RILPL2: variants seen among roughly 807,000 people sequenced by gnomAD.
RILPL2 encodes the protein RILP-like protein 2.
RILPL2 carries 19 observed loss-of-function variants against 22.2 expected under a neutral mutation model. That is an observed-to-expected ratio of 0.86 (90% confidence interval 0.60 to 1.25). The LOEUF (loss-of-function observed/expected upper bound fraction) is 1.25, where lower values mean the gene tolerates loss of function less well. Ranked by LOEUF, RILPL2 falls within the 50% of genes most tolerant of loss-of-function variation. The probability of loss-of-function intolerance (pLI) is 0.00; values close to 1 mark genes in which losing one functional copy is unlikely to be tolerated. For synonymous variants in RILPL2, 123 were observed against 111.6 expected (o/e 1.10, Z -0.64); for missense variants, 243 against 263.6 (o/e 0.92, Z 0.54).
At chr12:123,418,879 G>A (rs750262481) in intron 3 of RILPL2, among the ~76,000 whole-genome samples, 1 of 147,424 alleles carries the variant, frequency 6.8e-6, no homozygotes, top group Non-Finnish European at 1.5e-5. Context: ...TCTTGCCTCA[G>A]CCTCTTGAGT....
intron 3 of RILPL2, among the ~76,000 whole-genome samples, chr12:123,418,756 C>CTTTTTTTTTTTTTTTTT (rs1202023726): frequency 3.8e-4 from 37 of 96,228 alleles, no homozygotes; most frequent in Non-Finnish European, 4.7e-4. Context: ...CTTTTTCTTT[C>CTTTTTTTTTTTTTTTTT]TTTTTTTTTT....
intron 3 of RILPL2, among the ~76,000 whole-genome samples, chr12:123,420,421 A>G (rs1292233155): frequency 6.7e-6 from 1 of 150,356 alleles, no homozygotes; most frequent in Non-Finnish European, 1.5e-5. Flanking sequence ...TTACAGGCGT[A>G]AGCCACTGTG....
chr12:123,424,233 C>T (rs374627300), intron 2 of RILPL2, among the ~76,000 whole-genome samples: 1 of 151,894 alleles, frequency 6.6e-6, no homozygotes, highest in African/African-American at 2.4e-5. Context: ...AATATATTCT[C>T]TCACGTAATT....
Position 123,423,139 on chromosome 12 carries a change from T to TAGA in RILPL2, c.509_510insTCT (p.Arg170delinsSerLeu), listed in dbSNP as rs1467236900. ...TTTCTCTTCTTCCTCCTGGGCCTTC[T>TAGA]CTTGGTGGAATCAGGCCACTGGGAA... On this transcript the variant is annotated protein_altering_variant, in exon 3 of 4. Transcript: ENST00000280571. 1.2e-6 allele frequency: 2 copies of TAGA among 1,612,670 alleles called. No homozygotes were observed. The highest frequency in any genetic ancestry group is 1.3e-5 in the African/African-American group (1 of 74,940).
Position 123,436,106 on chromosome 12 carries a change from T to A in RILPL2, c.315A>T (p.Arg105Ser). The change falls in exon 1 of 4, where the codon AGA becomes AGT. Residue 105 changes from arginine (R) to serine (S), a missense_variant. By Grantham distance (110) the Arg-to-Ser change is moderately radical. Transcript: ENST00000280571. The surrounding 1 kb of genome is among the most constrained non-coding windows in gnomAD (Gnocchi z 6.7). The stretch of plus-strand genomic sequence containing the variant: ...CCTCCCCGCTGGCCGGAGGGCTCTG[T>A]CTCCGCAGCCCCTCCACCTCCTTCC... ...HLRKEVEGLR[R>S]QSPPASGEVN... 1.3e-6 allele frequency: 2 copies of A among 1,582,904 alleles called. No homozygotes were observed. The highest frequency in any genetic ancestry group is 2.3e-5 in the East Asian group (1 of 42,790).
chr12:123,414,608 G>A (rs1025738838), downstream of RILPL2: 3 of 152,946 alleles, frequency 2.0e-5, no homozygotes, highest in African/African-American at 7.2e-5. Flanking sequence ...CGCCAAAGTG[G>A]GAGCCCAGGC....
At chr12:123,418,821 C>T (rs1333964913) in intron 3 of RILPL2, among the ~76,000 whole-genome samples, 2 of 131,160 alleles carry the variant, frequency 1.5e-5, no homozygotes, top group African/African-American at 2.9e-5. Flanking sequence ...AGTGCAGTGG[C>T]GCAATCTCAG....
intron 1 of RILPL2, among the ~76,000 whole-genome samples, chr12:123,431,673 A>G (rs1173392762): frequency 2.0e-5 from 3 of 151,638 alleles, no homozygotes; most frequent in African/African-American, 7.3e-5. Flanking sequence ...AAAATACAAA[A>G]AAGTTAGCCA....
chr12:123,421,419 G>A (rs558082186), intron 3 of RILPL2, among the ~76,000 whole-genome samples: 1 of 152,148 alleles, frequency 6.6e-6, no homozygotes, highest in South Asian at 2.1e-4. Context: ...AAACCCAACA[G>A]CCTCTGAGTA....
chr12:123,434,493 G>A (rs1879733337), intron 1 of RILPL2, among the ~76,000 whole-genome samples: 1 of 151,168 alleles, frequency 6.6e-6, no homozygotes, highest in East Asian at 1.9e-4. Flanking sequence ...GCGCGATCTC[G>A]GCTCACTGCA....
chr12:123,415,816 G>A lies in RILPL2; in HGVS notation c.*75C>T, dbSNP rs1566088886. ...GGCCTAGTGTGTCTGTGTGGCACAG[G>A]GAGGTGGTTTTGCCAGGCATCTTGG... On this transcript the variant is annotated 3_prime_UTR_variant, in exon 4 of 4. Coordinates refer to ENST00000280571, the MANE Select transcript of RILPL2 (RefSeq NM_145058.3). The A allele has an allele frequency of 7.2e-7, 1 of 1,387,142 alleles. No individual in the cohort carries two copies. The highest frequency in any genetic ancestry group is 1.8e-4 in the Middle Eastern group (1 of 5,656). 85.9% of individuals were successfully genotyped at this position (1,387,142 alleles called of 1,614,324 possible).
At chr12:123,432,500 T>C (rs1490907395) in intron 1 of RILPL2, among the ~76,000 whole-genome samples, 1 of 152,220 alleles carries the variant, frequency 6.6e-6, no homozygotes, top group Non-Finnish European at 1.5e-5. Context: ...AGTGAGACCC[T>C]GTCTCAAAAC....
At chr12:123,431,285 G>C (rs924598702) in intron 1 of RILPL2, among the ~76,000 whole-genome samples, 3 of 150,838 alleles carry the variant, frequency 2.0e-5, no homozygotes, top group African/African-American at 7.3e-5. Context: ...ATTGTGCTGA[G>C]TGAAATAAGC....
intron 3 of RILPL2, among the ~76,000 whole-genome samples, chr12:123,420,662 C>T (rs989932038): frequency 6.6e-6 from 1 of 151,954 alleles, no homozygotes; most frequent in Non-Finnish European, 1.5e-5. Flanking sequence ...GTCTCGAACT[C>T]CTGACCTCAG....
downstream of RILPL2, chr12:123,414,800 A>C (rs180707359): frequency 6.6e-6 from 1 of 152,380 alleles, no homozygotes; most frequent in Non-Finnish European, 1.5e-5. Context: ...GTGTGGTGGC[A>C]AGTGCCTGTA....
intron 3 of RILPL2, among the ~76,000 whole-genome samples, chr12:123,417,805 G>A (rs576015579): frequency 2.6e-5 from 4 of 152,252 alleles, no homozygotes; most frequent in East Asian, 3.9e-4. Context: ...GGTTCGTCTC[G>A]AACTCTGGGC....
At chr12:123,423,016 G>A (rs28625019) in intron 3 of RILPL2, 28 bp downstream of exon 3, 285,584 of 1,497,088 alleles carry the variant, frequency 0.19, 28,707 homozygotes, top group Middle Eastern at 0.23. Flanking sequence ...TATTTGGCGG[G>A]ACCGGGGGGC....
intron 3 of RILPL2, among the ~76,000 whole-genome samples, chr12:123,421,333 G>A (rs1340286686): frequency 2.0e-5 from 3 of 152,190 alleles, no homozygotes; most frequent in African/African-American, 7.2e-5. Flanking sequence ...CACTGCATCT[G>A]GCTTAGCTAT....
rs1323835493 is a variant in RILPL2, at chr12:123,415,601, G to A, written c.*290C>T. 9.7e-6 allele frequency: 5 copies of A among 515,938 alleles called. No homozygotes were observed. The East Asian group carries it at 9.8e-5, about 10-fold the overall frequency. 32.0% of individuals were successfully genotyped at this position (515,938 alleles called of 1,614,324 possible). On this transcript the variant is annotated 3_prime_UTR_variant, in exon 4 of 4. Coordinates refer to ENST00000280571, the MANE Select transcript of RILPL2 (RefSeq NM_145058.3). ...CACGCGTCTGCACGCTGGAGGCCCT[G>A]GGGGTTGACATGGGAGCAGGAAGTG...
Sources: allele counts gnomAD v4.1 joint callset (sites outside exome capture counted in the v4.1 genomes callset), GRCh38; gene constraint gnomAD v4.1.1; non-coding constraint Gnocchi (gnomAD v3.1); transcripts MANE v1.5; gene names NCBI Gene and HGNC (gene_info 2026-07-23, HGNC 2026-07-21).